The following RBFOX1 variants were observed in gnomAD, a reference collection of about 807,000 sequenced individuals.
The protein encoded by RBFOX1 is RNA binding fox-1 homolog 1.
RBFOX1 carries 8 observed loss-of-function variants against 57.7 expected under a neutral mutation model. That is an observed-to-expected ratio of 0.14 (90% CI 0.08 to 0.25). RBFOX1 has a LOEUF of 0.25. Ranked by LOEUF, RBFOX1 falls within the 10% of genes least tolerant of loss-of-function variation. RBFOX1 has a pLI of 1.00. For missense variants in RBFOX1, 611 were observed against 548.5 expected (o/e 1.11, Z -1.14); for synonymous variants, 326 against 222.4 (o/e 1.47, Z -4.15).
chr16:7,702,735 G>A (rs952676364), intron 14 of RBFOX1, among the ~76,000 whole-genome samples: 1 of 152,160 alleles, frequency 6.6e-6, no homozygotes, highest in Admixed American at 6.5e-5. Context: ...AGAACACTTG[G>A]TCTGGAATGT....
intron 3 of RBFOX1, among the ~76,000 whole-genome samples, chr16:6,882,683 G>A (rs933264718): frequency 6.6e-6 from 1 of 152,242 alleles, no homozygotes; most frequent in Admixed American, 6.5e-5. Context: ...TTGGCTGTAT[G>A]GATAACAACC....
At chr16:5,344,111 A>G (rs1018465019) in intron 1 of RBFOX1, among the ~76,000 whole-genome samples, 1 of 152,216 alleles carries the variant, frequency 6.6e-6, no homozygotes, top group African/African-American at 2.4e-5. Flanking sequence ...TACATCAGTA[A>G]TGGGTTTAAA....
chr16:7,621,418 G>T (rs895815734), intron 10 of RBFOX1, among the ~76,000 whole-genome samples: 3 of 151,898 alleles, frequency 2.0e-5, no homozygotes, highest in Non-Finnish European at 4.4e-5. Context: ...ATGCCACCAC[G>T]CCTGGCTAAT....
chr16:6,614,976 T>C (rs538465981), intron 2 of RBFOX1, among the ~76,000 whole-genome samples: 1 of 152,294 alleles, frequency 6.6e-6, no homozygotes, highest in African/African-American at 2.4e-5. Context: ...TGCATCCCAA[T>C]TACCAGTCGA....
intron 1 of RBFOX1, among the ~76,000 whole-genome samples, chr16:5,302,234 G>A (rs1472889329): frequency 6.6e-6 from 1 of 152,012 alleles, no homozygotes; most frequent in East Asian, 1.9e-4. Context: ...TAAATATTTG[G>A]TAATTTTCTA....
intron 3 of RBFOX1, among the ~76,000 whole-genome samples, chr16:6,736,734 C>T (rs2070430529): frequency 1.3e-5 from 2 of 152,182 alleles, no homozygotes; most frequent in African/African-American, 4.8e-5. Flanking sequence ...TGAATCTCCA[C>T]ACTGGGAAAA....
chr16:7,562,686 G>A (rs1451323978), intron 5 of RBFOX1, among the ~76,000 whole-genome samples: 1 of 152,162 alleles, frequency 6.6e-6, no homozygotes, highest in African/African-American at 2.4e-5. Context: ...TGCCTCCTAG[G>A]TTCCTTCTCT....
chr16:5,584,736 G>C (rs527499519), intron 2 of RBFOX1, among the ~76,000 whole-genome samples: 1 of 152,272 alleles, frequency 6.6e-6, no homozygotes, highest in Non-Finnish European at 1.5e-5. Context: ...AGTTCTCATT[G>C]CACCGGGGAC....
At chr16:6,017,770 G>A (rs1335311168), upstream of RBFOX1, among the ~76,000 whole-genome samples, 4 of 152,176 alleles carry the variant, frequency 2.6e-5, no homozygotes, top group Non-Finnish European at 4.4e-5. Context: ...ATTGCAAGAG[G>A]AACCCTTAAG....
At chr16:7,132,896 G>A (rs2070904294) in intron 4 of RBFOX1, among the ~76,000 whole-genome samples, 1 of 152,142 alleles carries the variant, frequency 6.6e-6, no homozygotes, top group Admixed American at 6.5e-5. Flanking sequence ...CCTGACATAT[G>A]TGCATAAAAA....
chr16:7,426,926 A>T (rs1036092400), intron 4 of RBFOX1, among the ~76,000 whole-genome samples: 1 of 152,204 alleles, frequency 6.6e-6, no homozygotes, highest in African/African-American at 2.4e-5. Flanking sequence ...ATGGAATACT[A>T]TGCAGCCATA....
intron 3 of RBFOX1, among the ~76,000 whole-genome samples, chr16:7,023,168 G>A (rs1035847193): frequency 6.6e-6 from 1 of 152,034 alleles, no homozygotes; most frequent in African/African-American, 2.4e-5. Context: ...CAGAAGGAGG[G>A]AGGTAATGAC....
chr16:6,571,685 A>G (rs1245453185), intron 2 of RBFOX1, among the ~76,000 whole-genome samples: 9 of 152,188 alleles, frequency 5.9e-5, no homozygotes, highest in East Asian at 1.9e-4. Context: ...CCTGAGATCC[A>G]TTGAATAGAG....
chr16:6,887,882 G>A (rs551370446), intron 3 of RBFOX1, among the ~76,000 whole-genome samples: 27 of 152,124 alleles, frequency 1.8e-4, no homozygotes, highest in African/African-American at 5.5e-4. Context: ...GGCTGGTCTC[G>A]AACTCCAGAC....
intron 2 of RBFOX1, among the ~76,000 whole-genome samples, chr16:5,567,349 A>C (rs1251159636): frequency 2.0e-5 from 3 of 152,152 alleles, no homozygotes; most frequent in African/African-American, 7.2e-5. Context: ...TTACTAGCTA[A>C]CGTGTATCAT....
chr16:7,703,150 G>T (rs769879969), intron 14 of RBFOX1, among the ~76,000 whole-genome samples: 1 of 152,220 alleles, frequency 6.6e-6, no homozygotes, highest in African/African-American at 2.4e-5. Flanking sequence ...TACGGTAAGT[G>T]TGCGACTTGC....
intron 3 of RBFOX1, among the ~76,000 whole-genome samples, chr16:6,698,907 A>G (rs1265540199): frequency 1.3e-5 from 2 of 152,192 alleles, no homozygotes; most frequent in African/African-American, 2.4e-5. Flanking sequence ...CCCCTTATTC[A>G]TAAAAGAGGC....
chr16:6,469,203 C>T (rs1255826305), intron 2 of RBFOX1, among the ~76,000 whole-genome samples: 1 of 152,058 alleles, frequency 6.6e-6, no homozygotes, highest in African/African-American at 2.4e-5. Flanking sequence ...AAAGAAAGTG[C>T]AGAGTAAAAT....
Position 6,906,930 on chromosome 16 carries a change from G to C in RBFOX1, c.-15-145127G>C, listed in dbSNP as rs2070148483. Among the ~76,000 whole-genome samples, 3 of 152,154 alleles carry C rather than the reference G, an allele frequency of 2.0e-5. No homozygotes were observed. In the South Asian group the frequency reaches 6.2e-4, roughly 32 times the overall value. ...GTAGAGATGGGGTTTCACCATGTTG[G>C]CCAGGCTGGTCTTGAACTCCTGACC... On this transcript the variant is annotated intron_variant, in intron 3 of 15. Coordinates refer to ENST00000550418, the MANE Select transcript of RBFOX1 (RefSeq NM_018723.4).
Sources: gnomAD v4.1 joint callset for allele counts (sites outside exome capture counted in the v4.1 genomes callset) on GRCh38, gnomAD v4.1.1 for gene constraint, MANE v1.5 for transcripts, NCBI Gene and HGNC (gene_info 2026-07-23, HGNC 2026-07-21) for gene names.